SLC22A14: variants seen among roughly 807,000 people sequenced by gnomAD.
SLC22A14 encodes the protein solute carrier family 22 member 14.
A neutral mutation model predicts 53.9 loss-of-function variants in SLC22A14; 50 were observed. The observed-to-expected ratio is 0.93, with a 90% CI of 0.74 to 1.17. The LOEUF (loss-of-function observed/expected upper bound fraction) is 1.17. SLC22A14 is among the 50% of genes most tolerant of loss of function. SLC22A14 has a pLI of 0.00. For synonymous variants in SLC22A14, 312 were observed against 303.0 expected, an observed-to-expected ratio of 1.03 and a Z score of -0.31; for missense variants, 671 against 734.7, an observed-to-expected ratio of 0.91 and a Z score of 1.00.
intron 1 of SLC22A14, among the ~76,000 whole-genome samples, chr3:38,286,650 A>T (rs1364331614): frequency 2.0e-5 from 3 of 150,960 alleles, no homozygotes; most frequent in Non-Finnish European, 4.4e-5. Flanking sequence ...ACCTCAGGTG[A>T]TTCCACCCAC....
At chr3:38,294,280 A>C (rs1340392598) in intron 1 of SLC22A14, among the ~76,000 whole-genome samples, 2 of 152,106 alleles carry the variant, frequency 1.3e-5, no homozygotes, top group Non-Finnish European at 2.9e-5. Flanking sequence ...CACTTTTTAC[A>C]TAATTGTGAG....
At chr3:38,317,635 A>G (rs1209820752) in intron 10 of SLC22A14, among the ~76,000 whole-genome samples, 2 of 152,196 alleles carry the variant, frequency 1.3e-5, no homozygotes, top group Non-Finnish European at 2.9e-5. Context: ...TGCACGGAGA[A>G]GTTACCTCAT....
chr3:38,316,241 T>A (rs1298153410), intron 9 of SLC22A14, 83 bp from the exon 10 acceptor site: 3 of 1,175,166 alleles, frequency 2.6e-6, no homozygotes, highest in Non-Finnish European at 3.8e-6. Context: ...GACTGGAGAG[T>A]GTGGGTTTTC....
rs915649 is a variant in SLC22A14, at chr3:38,307,403, C to G, written c.620+46C>G. On this transcript the variant is annotated intron_variant, in intron 3 of 10. Transcript: ENST00000448498. This position sits in a 1 kb window ranked among gnomAD's most constrained non-coding sequence, Gnocchi z 4.4. ...GCTGGTCCCCGAGCCATCCCAACTC[C>G]TCCTCATGGGCATTCAGGGTTGGAG... 6.5e-7 allele frequency: 1 copy of G among 1,542,902 alleles called. No homozygotes were observed. The highest frequency in any genetic ancestry group is 2.2e-5 in the East Asian group (1 of 44,540).
At chr3:38,294,018 A>G (rs569995061) in intron 1 of SLC22A14, among the ~76,000 whole-genome samples, 5 of 152,308 alleles carry the variant, frequency 3.3e-5, no homozygotes, top group African/African-American at 9.6e-5. Flanking sequence ...ACATAGGTCT[A>G]TTTTAATTTG....
chr3:38,297,453 T>TA (rs58002945), intron 1 of SLC22A14, among the ~76,000 whole-genome samples: 9,748 of 152,144 alleles, frequency 0.064, 374 homozygotes, highest in East Asian at 0.16. Context: ...ATTTTTTTTT[T>TA]AATTTTCTTC....
chr3:38,308,912 C>A, intron 4 of SLC22A14, 42 bp from the exon 5 acceptor site: 1 of 1,594,164 alleles, frequency 6.3e-7, no homozygotes, highest in South Asian at 1.1e-5. Context: ...GCCCTGGGGA[C>A]CCTGACGTAA....
chr3:38,313,232 C>T, intron 6 of SLC22A14, 113 bp downstream of exon 6: 1 of 1,488,842 alleles, frequency 6.7e-7, no homozygotes. Flanking sequence ...CAGTCCACTG[C>T]TTAAGGACAA....
At chr3:38,292,293 A>G (rs58695430) in intron 1 of SLC22A14, among the ~76,000 whole-genome samples, 9,787 of 152,270 alleles carry the variant, frequency 0.064, 372 homozygotes, top group East Asian at 0.16. Context: ...GTTGGGTTAG[A>G]AGGATCTTCA....
intron 1 of SLC22A14, chr3:38,303,986 A>G (rs1704232720): frequency 6.6e-6 from 1 of 152,108 alleles, no homozygotes; most frequent in Non-Finnish European, 1.5e-5. Flanking sequence ...CAGGAGATCA[A>G]GACCATCCTG....
intron 1 of SLC22A14, among the ~76,000 whole-genome samples, chr3:38,288,395 G>A (rs1703836621): frequency 6.6e-6 from 1 of 152,160 alleles, no homozygotes; most frequent in African/African-American, 2.4e-5. Context: ...CTGTGAACAT[G>A]GGTGTACAAA....
At chr3:38,287,109 G>A (rs906085616) in intron 1 of SLC22A14, among the ~76,000 whole-genome samples, 1 of 151,654 alleles carries the variant, frequency 6.6e-6, no homozygotes, top group East Asian at 1.9e-4. Context: ...GTGTGTGTGT[G>A]CGTGTGTGTG....
At chr3:38,296,344 G>A (rs1181597441) in intron 1 of SLC22A14, among the ~76,000 whole-genome samples, 1 of 151,802 alleles carries the variant, frequency 6.6e-6, no homozygotes, top group African/African-American at 2.4e-5. Context: ...CAACCCAGAA[G>A]GGTTGGGGGT....
intron 4 of SLC22A14, among the ~76,000 whole-genome samples, chr3:38,308,623 G>C (rs1036777718): frequency 6.6e-6 from 1 of 152,236 alleles, no homozygotes; most frequent in African/African-American, 2.4e-5. Context: ...ATGATTCCTT[G>C]CCTGACCATG....
chr3:38,302,330 T>G (rs1314471563), intron 1 of SLC22A14, among the ~76,000 whole-genome samples: 1 of 144,386 alleles, frequency 6.9e-6, no homozygotes, highest in African/African-American at 2.5e-5. Context: ...ACATATATAT[T>G]TATATATATA....
intron 1 of SLC22A14, among the ~76,000 whole-genome samples, chr3:38,292,251 CTT>C (rs1287145659): frequency 6.6e-5 from 10 of 152,278 alleles, no homozygotes; most frequent in Middle Eastern, 6.8e-3. Flanking sequence ...TCCCTGAACT[CTT>C]GGGGTAAAAC....
intron 5 of SLC22A14, 52 bp from the exon 6 acceptor site, chr3:38,312,947 G>A: frequency 1.9e-6 from 3 of 1,560,774 alleles, no homozygotes; most frequent in Non-Finnish European, 2.6e-6. Context: ...GGCCAGCAGG[G>A]GGTCTCTGGG....
rs1156439003 is a variant in SLC22A14 at position 38,302,261 on chromosome 3, TATATATATTTATATATACAC to T, written c.1-3728_1-3709del. Among the ~76,000 whole-genome samples the T allele has an allele frequency of 6.1e-4, 43 of 70,072 alleles. 1 individual carries two copies. The highest frequency in any genetic ancestry group is 3.3e-3 in the South Asian group (5 of 1,524). The allele number at this position is 70,072 out of a possible 152,430, so 46.0% of individuals were successfully genotyped here. On this transcript the variant is annotated intron_variant, in intron 1 of 10. Transcript: ENST00000448498. ...AAAAAAAAAAGTATATATATATACA[TATATATATTTATATATACAC>T]ATATATATTTATATATACACATATA...
In SLC22A14 at chr3:38,307,791, G is replaced by C. The variant is rs947567621; in HGVS notation, c.775+71G>C. The C allele has an allele frequency of 6.4e-7, 1 of 1,554,318 alleles. No individual in the cohort carries two copies. Among genetic ancestry groups the C allele is most frequent in the African/African-American group, 1.4e-5 (1 of 73,822 alleles). On this transcript the variant is annotated intron_variant, in intron 4 of 10. Coordinates refer to ENST00000448498, the MANE Select transcript of SLC22A14 (RefSeq NM_001320033.2). This position sits in a 1 kb window ranked among gnomAD's most constrained non-coding sequence, Gnocchi z 4.4. ...TGGCGGCATAGGCGGGTGACAAGGG[G>C]ACATAGTGGCAGGGGGCGTGGCGGC...
Sources: allele counts gnomAD v4.1 joint callset (sites outside exome capture counted in the v4.1 genomes callset), GRCh38; gene constraint gnomAD v4.1.1; non-coding constraint Gnocchi (gnomAD v3.1); transcripts MANE v1.5; gene names NCBI Gene and HGNC (gene_info 2026-07-23, HGNC 2026-07-21).